TNFSF15: variants seen among roughly 807,000 people sequenced by gnomAD.
TNFSF15 encodes the protein TNF superfamily member 15.
In TNFSF15, 15 loss-of-function variants were observed where a neutral mutation model predicts 26.4. That is an observed-to-expected ratio of 0.57 (90% CI 0.38 to 0.87). The LOEUF (loss-of-function observed/expected upper bound fraction) is 0.87. Ranked by LOEUF, TNFSF15 falls within the 40% of genes least tolerant of loss-of-function variation. TNFSF15 has a pLI of 0.00. For synonymous variants in TNFSF15, 116 were observed against 115.0 expected, an observed-to-expected ratio of 1.01 and a Z score of -0.06; for missense variants, 290 against 306.1, an observed-to-expected ratio of 0.95 and a Z score of 0.39.
intron 1 of TNFSF15, among the ~76,000 whole-genome samples, chr9:114,804,686 C>G (rs1286421640): frequency 6.6e-6 from 1 of 152,302 alleles, no homozygotes; most frequent in South Asian, 2.1e-4. Flanking sequence ...AACAGCATTT[C>G]CGGTTTGTCT....
rs1041886686 is a variant in TNFSF15 at position 114,787,257 on chromosome 9, G to A, written c.*3195C>T. 1 of 151,992 alleles carries A rather than the reference G, an allele frequency of 6.6e-6. No homozygotes were observed. The highest frequency in any genetic ancestry group is 2.4e-5 in the African/African-American group (1 of 41,366). 9.4% of individuals were successfully genotyped at this position (151,992 alleles called of 1,614,324 possible). A position where few individuals can be genotyped will look rare whatever the true frequency, so the allele number is the denominator to read the frequency against. The stretch of plus-strand genomic sequence containing the variant: ...GTAGCTATTTTTAAAAAAACACTTC[G>A]AGTAAACACAAATCATTTTGTTAGT... On this transcript the variant is annotated 3_prime_UTR_variant, in exon 4 of 4. Coordinates refer to ENST00000374045, the MANE Select transcript of TNFSF15 (RefSeq NM_005118.4).
intron 1 of TNFSF15, among the ~76,000 whole-genome samples, chr9:114,800,990 C>A (rs138601800): frequency 1.3e-5 from 2 of 152,114 alleles, no homozygotes; most frequent in African/African-American, 4.8e-5. Flanking sequence ...TTCAGGGAGG[C>A]ATGAAGTGAG....
chr9:114,805,548 T>C (rs1381968825), intron 1 of TNFSF15, among the ~76,000 whole-genome samples: 4 of 152,184 alleles, frequency 2.6e-5, no homozygotes, highest in Admixed American at 2.6e-4. Flanking sequence ...TATACTATGA[T>C]TATAATTATC....
At chr9:114,793,603 T>C (rs200352901) in intron 1 of TNFSF15, 35 bp from the exon 2 acceptor site, 3 of 1,607,458 alleles carry the variant, frequency 1.9e-6, no homozygotes, top group Non-Finnish European at 1.7e-6. Flanking sequence ...AGACCAACTG[T>C]GGTCCTTTTG....
chr9:114,801,317 C>T (rs948946715), intron 1 of TNFSF15, among the ~76,000 whole-genome samples: 1 of 152,114 alleles, frequency 6.6e-6, no homozygotes, highest in African/African-American at 2.4e-5. Context: ...TACTGTAGGG[C>T]CCAAAGAATG....
At position 114,785,007 on chromosome 9, in the gene TNFSF15, G is replaced by C. The variant is rs1006132482; in HGVS notation, c.*5445C>G. ...CTACTTTATTTACTTGGCACTGTGT[G>C]TCTTGTTCCTCCTGAATGTATACAC... On this transcript the variant is annotated 3_prime_UTR_variant, in exon 4 of 4. Transcript: ENST00000374045. The C allele has an allele frequency of 2.0e-5, 3 of 152,246 alleles. No homozygotes were observed. Among genetic ancestry groups the C allele is most frequent in the Non-Finnish European group, 4.4e-5 (3 of 68,038 alleles). The allele number at this position is 152,246 out of a possible 1,614,324, so 9.4% of individuals were successfully genotyped here.
rs768523743 is a variant in TNFSF15, at chr9:114,805,949, C to T, written c.64G>A (p.Gly22Ser). 2.1e-5 allele frequency: 34 copies of T among 1,613,966 alleles called. No individual in the cohort carries two copies. The highest frequency in any genetic ancestry group is 3.3e-4 in the Middle Eastern group (2 of 6,054). The part of the protein sequence containing the change: ...TASVEMLPEH[G>S]SCRPKARSSS... The stretch of plus-strand genomic sequence containing the variant: ...CTCCTGGCCTTGGGCCTGCAGCTGC[C>T]GTGCTCTGGCAGCATTTCCACACTG... The change falls in exon 1 of 4, where the codon GGC becomes AGC. Residue 22 changes from glycine to serine, a missense_variant. By Grantham distance (56) the Gly-to-Ser change is moderately conservative (BLOSUM62 0). Coordinates refer to ENST00000374045, the MANE Select transcript of TNFSF15 (RefSeq NM_005118.4).
rs1478584932 is a variant in TNFSF15, at chr9:114,805,857, TGTGGTGA to T, written c.149_155del (p.Leu50HisfsTer21). The T allele has an allele frequency of 6.2e-7, 1 of 1,613,934 alleles. No individual in the cohort carries two copies. The highest frequency in any genetic ancestry group is 8.5e-7 in the Non-Finnish European group (1 of 1,180,034). Reference sequence around the variant, plus strand: ...CCCGGAGCTGGCTGACAAGCAGGTATGTGGTGAGTCCTGCAAGGAAGGGGAGCAACAC... The same window carrying T: ...CCCGGAGCTGGCTGACAAGCAGGTATGTCCTGCAAGGAAGGGGAGCAACAC... On this transcript the variant is annotated frameshift_variant, in exon 1 of 4. Transcript: ENST00000374045. LOFTEE classifies it high-confidence loss of function.
At chr9:114,799,981 G>A (rs1041656970) in intron 1 of TNFSF15, among the ~76,000 whole-genome samples, 3 of 152,160 alleles carry the variant, frequency 2.0e-5, no homozygotes, top group African/African-American at 7.2e-5. Flanking sequence ...TCTTCACTGA[G>A]GGATAAGGGG....
intron 1 of TNFSF15, among the ~76,000 whole-genome samples, chr9:114,797,282 A>T (rs901237643): frequency 6.6e-6 from 1 of 152,232 alleles, no homozygotes; most frequent in Non-Finnish European, 1.5e-5. Flanking sequence ...ACTTGGGCAC[A>T]CATTTTATTT....
chr9:114,795,655 A>C (rs1026593229), intron 1 of TNFSF15, among the ~76,000 whole-genome samples: 1 of 152,166 alleles, frequency 6.6e-6, no homozygotes, highest in Non-Finnish European at 1.5e-5. Flanking sequence ...TTTGGTGTCC[A>C]TGGGGGTCTT....
rs1379008202 is a variant in TNFSF15 at position 114,788,417 on chromosome 9, A to G, written c.*2035T>C. The G allele has an allele frequency of 6.5e-6, 1 of 153,690 alleles. No homozygotes were observed. Among genetic ancestry groups the G allele is most frequent in the East Asian group, 1.9e-4 (1 of 5,196 alleles). 9.5% of individuals were successfully genotyped at this position (153,690 alleles called of 1,614,324 possible). On this transcript the variant is annotated 3_prime_UTR_variant, in exon 4 of 4. Transcript: ENST00000374045. Reference sequence around the variant, plus strand: ...GGAAGGCAAGAAAAAGGCCTGGCTTAAGTTAGCCTAGCAGAGGTTAGAAAA... The same window carrying G: ...GGAAGGCAAGAAAAAGGCCTGGCTTGAGTTAGCCTAGCAGAGGTTAGAAAA...
At chr9:114,793,666 T>C in intron 1 of TNFSF15, 98 bp from the exon 2 acceptor site, 1 of 1,166,612 alleles carries the variant, frequency 8.6e-7, no homozygotes, top group Non-Finnish European at 1.3e-6. Context: ...AAGCTTCTGC[T>C]GCCCAGCCTG....
At chr9:114,800,067 C>T (rs1267304439) in intron 1 of TNFSF15, among the ~76,000 whole-genome samples, 1 of 151,954 alleles carries the variant, frequency 6.6e-6, no homozygotes, top group African/African-American at 2.4e-5. Context: ...TATCATGATC[C>T]CTAATCCTTC....
chr9:114,800,960 GC>G (rs1480615831), intron 1 of TNFSF15, among the ~76,000 whole-genome samples: 1 of 152,178 alleles, frequency 6.6e-6, no homozygotes, highest in East Asian at 1.9e-4. Context: ...GGAATAAAAG[GC>G]AGGAGCATTG....
chr9:114,791,219 A>G (rs929220404), intron 3 of TNFSF15: 1 of 507,776 alleles, frequency 2.0e-6, no homozygotes, highest in Non-Finnish European at 3.6e-6. Flanking sequence ...GAATCCCCCT[A>G]TTCTTCTGTG....
rs368084272 is a variant in TNFSF15, at chr9:114,790,777, G to A, written c.431C>T (p.Ser144Leu). 1.1e-4 allele frequency: 181 copies of A among 1,614,040 alleles called. 1 individual carries two copies. The highest frequency in any genetic ancestry group is 2.2e-4 in the Admixed American group (13 of 60,008). Residue 144 changes from serine to leucine, a missense_variant, in exon 4 of 4, where the codon TCG becomes TTG. Ser to Leu is a moderately radical substitution (Grantham distance 145). This residue lies in a region of TNFSF15 where 9 missense variants were observed against 25.5 expected (regional missense o/e 0.35). Transcript: ENST00000374045. Reference protein sequence around the residue: ...YTNKFLLIPESGDYFIYSQVT... With the variant: ...YTNKFLLIPELGDYFIYSQVT... ...CTGGGAGTAAATGAAGTAGTCTCCC[G>A]ACTCTGGGATCAGCAGGAATTTGTT... is the stretch of plus-strand genomic sequence containing the variant.
At position 114,789,920 on chromosome 9, in the gene TNFSF15, A is replaced by C. The variant is rs930025703; in HGVS notation, c.*532T>G. ...ACCAACTCCTTCTGTGTGAACATTC[A>C]TGAGACATACCAACTCTCTTTTCAT... On this transcript the variant is annotated 3_prime_UTR_variant, in exon 4 of 4. Coordinates refer to ENST00000374045, the MANE Select transcript of TNFSF15 (RefSeq NM_005118.4). The C allele has an allele frequency of 6.5e-6, 1 of 153,454 alleles. No individual in the cohort carries two copies. The highest frequency in any genetic ancestry group is 2.4e-5 in the African/African-American group (1 of 41,462). 9.5% of individuals were successfully genotyped at this position (153,454 alleles called of 1,614,324 possible). A position where few individuals can be genotyped will look rare whatever the true frequency, so the allele number is the denominator to read the frequency against.
chr9:114,790,042 T>G lies in TNFSF15; in HGVS notation c.*410A>C, dbSNP rs1481205838. The G allele has an allele frequency of 6.4e-6, 1 of 156,774 alleles. No individual in the cohort carries two copies. Among genetic ancestry groups the G allele is most frequent in the Non-Finnish European group, 1.4e-5 (1 of 70,878 alleles). The allele number at this position is 156,774 out of a possible 1,614,324, so 9.7% of individuals were successfully genotyped here. Reference sequence around the variant, plus strand: ...TTTCTAGAGCTTTCCTTGGACTTCCTTCAAAGCTCCTGAATTGAAGCAAAT... The same window carrying G: ...TTTCTAGAGCTTTCCTTGGACTTCCGTCAAAGCTCCTGAATTGAAGCAAAT... On this transcript the variant is annotated 3_prime_UTR_variant, in exon 4 of 4. Coordinates refer to ENST00000374045, the MANE Select transcript of TNFSF15 (RefSeq NM_005118.4).
Sources: allele counts gnomAD v4.1 joint callset (sites outside exome capture counted in the v4.1 genomes callset), GRCh38; gene constraint gnomAD v4.1.1; regional missense constraint gnomAD v4.1.1; transcripts MANE v1.5; gene names NCBI Gene and HGNC (gene_info 2026-07-23, HGNC 2026-07-21).